Variants in ATRNL1 observed in about 807,000 individuals in gnomAD.
ATRNL1 encodes attractin like 1, also known as attractin-like protein 1.
In ATRNL1, 95 loss-of-function variants were observed where a neutral mutation model predicts 182.7. The observed-to-expected ratio is 0.52, with a 90% CI of 0.44 to 0.62. ATRNL1 has a LOEUF of 0.62. ATRNL1 is among the 20% of genes least tolerant of loss of function. The pLI is 0.00. For missense variants in ATRNL1, 1,471 were observed against 1,679.5 expected (o/e 0.88, Z 2.17); for synonymous variants, 576 against 568.3 (o/e 1.01, Z -0.19).
intron 21 of ATRNL1, among the ~76,000 whole-genome samples, chr10:115,429,765 A>G (rs966814317): frequency 6.6e-6 from 1 of 152,072 alleles, no homozygotes; most frequent in Non-Finnish European, 1.5e-5. Flanking sequence ...CTATGACTGC[A>G]GTTTTTAAAA....
intron 25 of ATRNL1, among the ~76,000 whole-genome samples, chr10:115,523,868 AC>A (rs1851079029): frequency 6.6e-6 from 1 of 152,176 alleles, no homozygotes; most frequent in Admixed American, 6.5e-5. Context: ...ACTTCCTGGC[AC>A]CAATTTTCTG....
At chr10:115,447,913 C>G (rs896948914) in intron 21 of ATRNL1, among the ~76,000 whole-genome samples, 1 of 151,830 alleles carries the variant, frequency 6.6e-6, no homozygotes, top group Non-Finnish European at 1.5e-5. Flanking sequence ...TGTTTTTAGT[C>G]TCTTTAATAT....
intron 18 of ATRNL1, among the ~76,000 whole-genome samples, chr10:115,329,007 T>C (rs1855062607): frequency 6.6e-6 from 1 of 152,092 alleles, no homozygotes; most frequent in Non-Finnish European, 1.5e-5. Flanking sequence ...CTGGATCATA[T>C]AGTATTATAT....
intron 5 of ATRNL1, among the ~76,000 whole-genome samples, chr10:115,136,033 TG>T (rs1253175358): frequency 3.1e-5 from 4 of 130,422 alleles, no homozygotes; most frequent in African/African-American, 1.0e-4. Context: ...CTAATTAAAT[TG>T]TTTTTTTTTT....
intron 28 of ATRNL1, among the ~76,000 whole-genome samples, chr10:115,861,965 T>A (rs1170927314): frequency 1.3e-5 from 2 of 151,892 alleles, no homozygotes; most frequent in Non-Finnish European, 2.9e-5. Flanking sequence ...GAAAAAAAAA[T>A]AATGTTTCAT....
chr10:115,741,628 A>G (rs113055541), intron 27 of ATRNL1, among the ~76,000 whole-genome samples: 1,877 of 152,328 alleles, frequency 0.012, 20 homozygotes, highest in Middle Eastern at 0.037. Context: ...TTGAAGAATA[A>G]TTGAGGTAGA....
At chr10:115,340,343 A>G (rs1184800494) in intron 19 of ATRNL1, among the ~76,000 whole-genome samples, 3 of 151,900 alleles carry the variant, frequency 2.0e-5, no homozygotes, top group South Asian at 2.1e-4. Flanking sequence ...GAGTTTCACC[A>G]TGTTAGCCAG....
intron 19 of ATRNL1, among the ~76,000 whole-genome samples, chr10:115,341,996 CT>C (rs1459975218): frequency 1.3e-5 from 2 of 151,996 alleles, no homozygotes; most frequent in African/African-American, 4.8e-5. Flanking sequence ...AGAGTTTAGT[CT>C]ATTTACGTTG....
intron 1 of ATRNL1, among the ~76,000 whole-genome samples, chr10:115,105,308 C>G (rs1843958021): frequency 6.6e-6 from 1 of 152,086 alleles, no homozygotes; most frequent in South Asian, 2.1e-4. Flanking sequence ...GAAGAAATTT[C>G]TAAGCAGCAA....
At position 115,485,687 on chromosome 10, in the gene ATRNL1, T is replaced by A. The variant is rs1306498830; in HGVS notation, c.3654+16358T>A. ...TTTTTTAAGTTTATAAATTATTTTA[T>A]TGTAAGCATTGCTACAATTATTTGA... On this transcript the variant is annotated intron_variant, in intron 24 of 28. Coordinates refer to ENST00000355044, the MANE Select transcript of ATRNL1 (RefSeq NM_207303.4). 2.6e-5 allele frequency among the ~76,000 whole-genome samples: 4 copies of A among 152,156 alleles called. No homozygotes were observed. The South Asian group carries it at 6.2e-4, about 24-fold the overall frequency.
intron 26 of ATRNL1, among the ~76,000 whole-genome samples, chr10:115,710,197 G>A (rs1371460474): frequency 6.6e-6 from 1 of 151,874 alleles, no homozygotes; most frequent in East Asian, 1.9e-4. Context: ...AGAAGCTTTG[G>A]AACATGTATT....
chr10:115,139,597 G>A (rs1845672487), intron 5 of ATRNL1, among the ~76,000 whole-genome samples: 1 of 152,136 alleles, frequency 6.6e-6, no homozygotes, highest in African/African-American at 2.4e-5. Flanking sequence ...CTACCCCCAT[G>A]TTTCAGTTAC....
rs193033069 is a variant in ATRNL1 at position 115,657,726 on chromosome 10, A to G, written c.3796-69522A>G. Among the ~76,000 whole-genome samples the G allele has an allele frequency of 2.6e-3, 394 of 152,232 alleles. 2 individuals are homozygous for G. The highest frequency in any genetic ancestry group is 8.9e-3 in the African/African-American group (370 of 41,556). ...ATAACGGCCACACTGACACACACCC[A>G]AGAAATTTCCATTACATCCCTTTGG... On this transcript the variant is annotated intron_variant, in intron 26 of 28. Transcript: ENST00000355044.
At chr10:115,170,927 T>G in intron 7 of ATRNL1, 110 bp from the exon 8 acceptor site, 1 of 565,322 alleles carries the variant, frequency 1.8e-6, no homozygotes, top group Non-Finnish European at 2.7e-6. Context: ...GCCTTATGCA[T>G]GTTGTGAACA....
chr10:115,386,730 T>C (rs536561759), intron 19 of ATRNL1, among the ~76,000 whole-genome samples: 1 of 151,608 alleles, frequency 6.6e-6, no homozygotes, highest in Admixed American at 6.6e-5. Context: ...TAGTTACATA[T>C]GTATACATGT....
intron 21 of ATRNL1, among the ~76,000 whole-genome samples, chr10:115,449,025 A>G (rs1242800204): frequency 9.2e-5 from 14 of 152,192 alleles, no homozygotes; most frequent in Non-Finnish European, 1.5e-5. Context: ...TGATACTCAT[A>G]TGGACAGGAG....
chr10:115,556,370 C>G (rs1554997020), intron 26 of ATRNL1, among the ~76,000 whole-genome samples: 2 of 152,120 alleles, frequency 1.3e-5, no homozygotes, highest in Non-Finnish European at 2.9e-5. Context: ...TTTGCTACGA[C>G]TTATTCACCT....
At chr10:115,539,847 TC>T (rs1554991443) in intron 25 of ATRNL1, among the ~76,000 whole-genome samples, 2 of 151,966 alleles carry the variant, frequency 1.3e-5, no homozygotes, top group Admixed American at 6.6e-5. Flanking sequence ...TTCTTGTCTG[TC>T]CTCCCAGCTC....
chr10:115,237,514 G>T (rs1284600878), intron 9 of ATRNL1, among the ~76,000 whole-genome samples: 2 of 152,068 alleles, frequency 1.3e-5, no homozygotes, highest in Non-Finnish European at 2.9e-5. Context: ...ATGCTTACTA[G>T]ACATAAATAT....
Sources: allele counts gnomAD v4.1 joint callset (sites outside exome capture counted in the v4.1 genomes callset), GRCh38; gene constraint gnomAD v4.1.1; transcripts MANE v1.5; gene names NCBI Gene and HGNC (gene_info 2026-07-23, HGNC 2026-07-21).